The following RGS7 variants were observed in gnomAD, a reference collection of about 807,000 sequenced individuals.
RGS7 encodes the protein regulator of G protein signaling 7.
RGS7 carries 27 observed loss-of-function variants against 81.1 expected under a neutral mutation model. The observed-to-expected ratio is 0.33, with a 90% CI of 0.25 to 0.46. RGS7 has a LOEUF of 0.46. RGS7 is among the 20% of genes least tolerant of loss of function. The pLI is 1.00. For synonymous variants in RGS7, 208 were observed against 207.7 expected (o/e 1.00, Z -0.01); for missense variants, 396 against 607.4 (o/e 0.65, Z 3.66).
intron 3 of RGS7, among the ~76,000 whole-genome samples, chr1:241,022,305 A>C (rs1313161400): frequency 1.3e-5 from 2 of 152,174 alleles, no homozygotes; most frequent in African/African-American, 4.8e-5. Context: ...GAGTGAACTA[A>C]CTTTGGGAGC....
At chr1:241,190,025 C>G (rs954504855) in intron 2 of RGS7, among the ~76,000 whole-genome samples, 1 of 152,050 alleles carries the variant, frequency 6.6e-6, no homozygotes, top group Non-Finnish European at 1.5e-5. Flanking sequence ...ATGGCGTGAA[C>G]CTGGGAGGCG....
intron 4 of RGS7, among the ~76,000 whole-genome samples, chr1:240,953,755 T>A (rs1260242326): frequency 6.6e-6 from 1 of 151,744 alleles, no homozygotes; most frequent in African/African-American, 2.4e-5. Flanking sequence ...TAAAATTACA[T>A]CAGAAATCAA....
intron 4 of RGS7, among the ~76,000 whole-genome samples, chr1:240,941,912 A>C (rs1677651668): frequency 6.6e-6 from 1 of 151,520 alleles, no homozygotes; most frequent in South Asian, 2.1e-4. Context: ...ACGGCAAAAT[A>C]ATCGCTAATT....
intron 3 of RGS7, among the ~76,000 whole-genome samples, chr1:241,007,942 T>G (rs1313156074): frequency 1.3e-5 from 2 of 152,194 alleles, no homozygotes; most frequent in Non-Finnish European, 2.9e-5. Flanking sequence ...GCAAAGGCCC[T>G]GGAGGCTATT....
intron 3 of RGS7, among the ~76,000 whole-genome samples, chr1:241,022,845 T>C (rs1458804046): frequency 6.6e-6 from 1 of 152,134 alleles, no homozygotes; most frequent in Non-Finnish European, 1.5e-5. Flanking sequence ...CATTGGGTAG[T>C]TGCAATATGA....
intron 2 of RGS7, among the ~76,000 whole-genome samples, chr1:241,227,024 G>T (rs950924101): frequency 1.3e-5 from 2 of 152,104 alleles, no homozygotes; most frequent in African/African-American, 4.8e-5. Context: ...GGCACACTTG[G>T]GATCTGAAGC....
chr1:240,830,135 C>T (rs1173544668), intron 9 of RGS7, among the ~76,000 whole-genome samples: 1 of 152,186 alleles, frequency 6.6e-6, no homozygotes, highest in Non-Finnish European at 1.5e-5. Context: ...AATTTTATAT[C>T]ATATGGGTGT....
intron 10 of RGS7, among the ~76,000 whole-genome samples, chr1:240,819,782 T>G (rs528163484): frequency 6.6e-6 from 1 of 152,162 alleles, no homozygotes; most frequent in Non-Finnish European, 1.5e-5. Context: ...TAAGAGACCA[T>G]GACCCAAACC....
chr1:241,223,108 A>C (rs1485499096), intron 2 of RGS7, among the ~76,000 whole-genome samples: 4 of 152,204 alleles, frequency 2.6e-5, no homozygotes. Context: ...GCCATTTAGC[A>C]GGAGAACCTG....
chr1:240,882,072 G>A (rs935989524), intron 6 of RGS7, among the ~76,000 whole-genome samples: 4 of 152,104 alleles, frequency 2.6e-5, no homozygotes, highest in East Asian at 1.9e-4. Context: ...GCATAGCCAG[G>A]CCCAGCTAAC....
intron 2 of RGS7, among the ~76,000 whole-genome samples, chr1:241,176,409 G>T (rs1039753730): frequency 6.6e-6 from 1 of 152,162 alleles, no homozygotes; most frequent in East Asian, 1.9e-4. Flanking sequence ...CAAGGATGAA[G>T]GGAAAAGTGC....
intron 5 of RGS7, 62 bp from the exon 6 acceptor site, chr1:240,930,830 C>T: frequency 1.4e-6 from 2 of 1,448,438 alleles, no homozygotes; most frequent in Non-Finnish European, 1.9e-6. Flanking sequence ...GAGTTTCTGG[C>T]CAGTGAATTA....
At chr1:241,071,698 T>A (rs2148868436) in intron 3 of RGS7, among the ~76,000 whole-genome samples, 1 of 151,504 alleles carries the variant, frequency 6.6e-6, no homozygotes, top group South Asian at 2.1e-4. Flanking sequence ...ATAATTTTAC[T>A]ATCTCTACAA....
intron 2 of RGS7, among the ~76,000 whole-genome samples, chr1:241,100,474 G>A (rs2064652084): frequency 6.6e-6 from 1 of 151,080 alleles, no homozygotes; most frequent in African/African-American, 2.4e-5. Context: ...GTATTACTAT[G>A]TTGTAATCAC....
chr1:240,900,729 T>G (rs1669858925), intron 6 of RGS7, among the ~76,000 whole-genome samples: 1 of 152,162 alleles, frequency 6.6e-6, no homozygotes, highest in South Asian at 2.1e-4. Flanking sequence ...CCAGTTAGGC[T>G]ACTCGGGGGT....
rs186927685 is a variant in RGS7, at chr1:241,355,032, T to C, written c.78+667A>G. Among the ~76,000 whole-genome samples the C allele has an allele frequency of 7.4e-3, 1,124 of 152,332 alleles. 13 individuals are homozygous for C. Among genetic ancestry groups the C allele is most frequent in the South Asian group, 0.015 (72 of 4,828 alleles). On this transcript the variant is annotated intron_variant, in intron 2 of 18. Coordinates refer to ENST00000440928, the MANE Select transcript of RGS7 (RefSeq NM_001364886.1). ...AAAAGTTTGTTGCCAGTAGCATTGC[T>C]ATTAAATGTATAAGGCTGTCAAATC...
intron 4 of RGS7, among the ~76,000 whole-genome samples, chr1:240,977,859 C>A (rs911721788): frequency 6.6e-6 from 1 of 152,202 alleles, no homozygotes; most frequent in African/African-American, 2.4e-5. Context: ...TCTCTCCCCG[C>A]AGTGGAGGGC....
intron 18 of RGS7, among the ~76,000 whole-genome samples, chr1:240,786,999 A>T (rs145054436): frequency 6.6e-6 from 1 of 152,148 alleles, no homozygotes; most frequent in African/African-American, 2.4e-5. Flanking sequence ...ACCTTCTGGC[A>T]CATTCTGTCA....
intron 3 of RGS7, among the ~76,000 whole-genome samples, chr1:241,074,506 C>T (rs759396127): frequency 2.0e-5 from 3 of 152,178 alleles, no homozygotes; most frequent in Non-Finnish European, 4.4e-5. Context: ...CAGCTGGAGC[C>T]AGGTATTCAA....
Sources: allele counts gnomAD v4.1 joint callset (sites outside exome capture counted in the v4.1 genomes callset), GRCh38; gene constraint gnomAD v4.1.1; transcripts MANE v1.5; gene names NCBI Gene and HGNC (gene_info 2026-07-23, HGNC 2026-07-21).